The following STIM2 variants were observed in gnomAD, a reference collection of about 807,000 sequenced individuals.
The protein encoded by STIM2 is stromal interaction molecule 2.
A neutral mutation model predicts 85.8 loss-of-function variants in STIM2; 31 were observed. The observed-to-expected ratio is 0.36, with a 90% confidence interval of 0.27 to 0.49. The LOEUF (loss-of-function observed/expected upper bound fraction) is 0.49, where lower values mean the gene tolerates loss of function less well. STIM2 is among the 20% of genes least tolerant of loss of function. The probability of loss-of-function intolerance (pLI) is 0.98; values close to 1 mark genes in which losing one functional copy is unlikely to be tolerated. For synonymous variants in STIM2, 356 were observed against 331.1 expected (o/e 1.08, Z -0.82); for missense variants, 841 against 927.6 (o/e 0.91, Z 1.21).
chr4:26,996,135 G>A (rs1164710829), intron 4 of STIM2, among the ~76,000 whole-genome samples: 1 of 151,932 alleles, frequency 6.6e-6, no homozygotes, highest in Non-Finnish European at 1.5e-5. Context: ...AGTCCAGGTT[G>A]CCAGTTTATC....
At position 27,017,954 on chromosome 4, in the gene STIM2, A is replaced by G; in HGVS notation, c.1733A>G (p.Glu578Gly). The G allele has an allele frequency of 6.2e-7, 1 of 1,614,126 alleles. No individual in the cohort carries two copies. The highest frequency in any genetic ancestry group is 8.5e-7 in the Non-Finnish European group (1 of 1,180,016). Reference sequence around the variant, plus strand: ...CTTTATCGAAATGAAGAGGAGGAAGAGGCCATTTACTTCTCTGCTGAAAAG... The same window carrying G: ...CTTTATCGAAATGAAGAGGAGGAAGGGGCCATTTACTTCTCTGCTGAAAAG... Residue 578 changes from glutamate to glycine, a missense_variant, in exon 11 of 12, where the codon GAG becomes GGG. Transcript: ENST00000467087.
At chr4:26,862,528 T>C (rs1722257044) in intron 1 of STIM2, among the ~76,000 whole-genome samples, 1 of 152,076 alleles carries the variant, frequency 6.6e-6, no homozygotes, top group Non-Finnish European at 1.5e-5. Context: ...GCAGTTTCTC[T>C]GATTTCTATG....
rs149793865 is a variant in STIM2, at chr4:27,019,019, G to A, written c.1763+1035G>A. 9.7e-4 allele frequency among the ~76,000 whole-genome samples: 147 copies of A among 152,300 alleles called. 1 individual carries two copies. The highest frequency in any genetic ancestry group is 3.4e-3 in the Middle Eastern group (1 of 294). On this transcript the variant is annotated intron_variant, in intron 11 of 11. Transcript: ENST00000467087. ...ATTTCAGTCCAACTTAATGACATCA[G>A]TGCTCCATGAAACTCTTAATTTGAG...
intron 2 of STIM2, among the ~76,000 whole-genome samples, chr4:26,931,784 T>C (rs1725214856): frequency 6.6e-6 from 1 of 152,202 alleles, no homozygotes; most frequent in Non-Finnish European, 1.5e-5. Context: ...ATTTTCATAA[T>C]TTCATGATTT....
intron 2 of STIM2, among the ~76,000 whole-genome samples, chr4:26,938,196 C>CA (rs917096454): frequency 4.1e-5 from 6 of 145,668 alleles, no homozygotes; most frequent in Non-Finnish European, 7.5e-5. Context: ...TTTTTTAAAA[C>CA]AAAAAAATGT....
intron 3 of STIM2, among the ~76,000 whole-genome samples, chr4:26,964,933 ACTC>A (rs1726654472): frequency 1.3e-5 from 2 of 152,074 alleles, no homozygotes; most frequent in Non-Finnish European, 2.9e-5. Context: ...ATCTTTTGTC[ACTC>A]CTTCAGTGAG....
chr4:26,892,059 G>A (rs879707361), intron 1 of STIM2, among the ~76,000 whole-genome samples: 7 of 152,112 alleles, frequency 4.6e-5, no homozygotes, highest in East Asian at 1.9e-4. Context: ...TCTGTCTGCC[G>A]CTATCTGTGT....
At chr4:27,017,322 A>AC (rs1728762435) in intron 10 of STIM2, among the ~76,000 whole-genome samples, 1 of 152,224 alleles carries the variant, frequency 6.6e-6, no homozygotes, top group African/African-American at 2.4e-5. Flanking sequence ...TTCAAGAGAT[A>AC]CCATTGCAGC....
chr4:26,974,510 T>G (rs1727105136), intron 3 of STIM2, among the ~76,000 whole-genome samples: 1 of 152,240 alleles, frequency 6.6e-6, no homozygotes, highest in African/African-American at 2.4e-5. Flanking sequence ...TTAGTTTGGC[T>G]GGATATGAAA....
At chr4:26,882,236 A>G (rs970309528) in intron 1 of STIM2, among the ~76,000 whole-genome samples, 16 of 152,192 alleles carry the variant, frequency 1.1e-4, no homozygotes, top group Non-Finnish European at 1.6e-4. Flanking sequence ...TGATTCTTGT[A>G]AAAATGTGCT....
At chr4:26,976,814 A>T (rs989839713) in intron 3 of STIM2, among the ~76,000 whole-genome samples, 1 of 152,146 alleles carries the variant, frequency 6.6e-6, no homozygotes, top group Non-Finnish European at 1.5e-5. Context: ...AAAAAAACAA[A>T]AAAAATTATT....
intron 1 of STIM2, 189 bp downstream of exon 1, chr4:26,861,558 C>T (rs532757273): frequency 9.1e-6 from 8 of 878,800 alleles, no homozygotes; most frequent in East Asian, 3.6e-5. Flanking sequence ...ACCCCGACAC[C>T]CCGCCCTCGC....
chr4:26,861,185 G>T lies in STIM2; in HGVS notation c.-34G>T, dbSNP rs1215946798. On this transcript the variant is annotated 5_prime_UTR_variant, in exon 1 of 12. Transcript: ENST00000467087. Reference sequence around the variant, plus strand: ...CCGCCTCGACTCCTGGCCCAGCGTGGGGCTGGCTGCTGCGGCGGCGGCGCT... The same window carrying T: ...CCGCCTCGACTCCTGGCCCAGCGTGTGGCTGGCTGCTGCGGCGGCGGCGCT... 2 of 1,442,000 alleles carry T rather than the reference G, an allele frequency of 1.4e-6. No homozygotes were observed. Among genetic ancestry groups the T allele is most frequent in the Non-Finnish European group, 9.1e-7 (1 of 1,096,754 alleles). 89.3% of individuals were successfully genotyped at this position (1,442,000 alleles called of 1,614,324 possible). A position where few individuals can be genotyped will look rare whatever the true frequency, so the allele number is the denominator to read the frequency against.
chr4:27,011,332 G>T (rs918389297), intron 10 of STIM2, among the ~76,000 whole-genome samples: 6 of 152,258 alleles, frequency 3.9e-5, no homozygotes, highest in Admixed American at 3.9e-4. Context: ...TGCTTAATGA[G>T]TTAACCATAA....
At chr4:26,878,499 G>A (rs1379975650) in intron 1 of STIM2, among the ~76,000 whole-genome samples, 5 of 152,202 alleles carry the variant, frequency 3.3e-5, no homozygotes, top group South Asian at 4.1e-4. Context: ...CTTTGCCTGG[G>A]CCTTGTGGGT....
chr4:26,937,867 A>G (rs1314117583), intron 2 of STIM2, among the ~76,000 whole-genome samples: 1 of 152,116 alleles, frequency 6.6e-6, no homozygotes, highest in Non-Finnish European at 1.5e-5. Context: ...CACTGGCTCT[A>G]CCTCAGTTTG....
At chr4:26,887,969 A>G (rs1723323354) in intron 1 of STIM2, among the ~76,000 whole-genome samples, 4 of 152,226 alleles carry the variant, frequency 2.6e-5, no homozygotes, top group South Asian at 2.1e-4. Context: ...GCAGGCGATG[A>G]TGCTGCAGTC....
At chr4:26,876,977 T>G (rs1394175741) in intron 1 of STIM2, among the ~76,000 whole-genome samples, 1 of 152,212 alleles carries the variant, frequency 6.6e-6, no homozygotes, top group East Asian at 1.9e-4. Context: ...TTGCCTGATT[T>G]AAGGTAACTA....
chr4:26,956,855 T>G (rs867064746), intron 2 of STIM2, among the ~76,000 whole-genome samples: 11 of 152,272 alleles, frequency 7.2e-5, no homozygotes, highest in African/African-American at 2.4e-4. Context: ...CAGCTCGATA[T>G]TCATTATTTT....
Sources: allele counts gnomAD v4.1 joint callset (sites outside exome capture counted in the v4.1 genomes callset), GRCh38; gene constraint gnomAD v4.1.1; transcripts MANE v1.5; gene names NCBI Gene and HGNC (gene_info 2026-07-23, HGNC 2026-07-21).